The following ZDHHC3 variants were observed in gnomAD, a reference collection of about 807,000 sequenced individuals.
The protein encoded by ZDHHC3 is palmitoyltransferase ZDHHC3.
Under a neutral mutation model 30.6 loss-of-function variants are expected in ZDHHC3, and 9 were observed. The ratio of observed to expected loss-of-function variants is 0.29; its 90% CI spans 0.18 to 0.51. ZDHHC3 has a LOEUF of 0.51. Ranked by LOEUF, ZDHHC3 falls within the 20% of genes least tolerant of loss-of-function variation. The pLI is 0.97. For synonymous variants in ZDHHC3, 136 were observed against 140.2 expected, an observed-to-expected ratio of 0.97 and a Z score of 0.21; for missense variants, 246 against 384.2, an observed-to-expected ratio of 0.64 and a Z score of 3.01.
rs1027789621 is a variant in ZDHHC3 at position 44,919,726 on chromosome 3, G to C, written c.*6963C>G. On this transcript the variant is annotated 3_prime_UTR_variant, in exon 7 of 7. Coordinates refer to ENST00000424952, the MANE Select transcript of ZDHHC3 (RefSeq NM_001135179.2). ...GGGTATGGTGTTGCCAATGTCCAGGGTTTTATATTTGTATTATGGTTGTAT... is the reference window on the plus strand; with the variant it reads ...GGGTATGGTGTTGCCAATGTCCAGGCTTTTATATTTGTATTATGGTTGTAT... 6.5e-6 allele frequency: 2 copies of C among 308,960 alleles called. No homozygotes were observed. The highest frequency in any genetic ancestry group is 2.3e-5 in the African/African-American group (1 of 44,230). 19.1% of individuals were successfully genotyped at this position (308,960 alleles called of 1,614,324 possible). A position where few individuals can be genotyped will look rare whatever the true frequency, so the allele number is the denominator to read the frequency against.
Position 44,929,384 on chromosome 3 carries a change from G to C in ZDHHC3, c.663C>G (p.Cys221Trp), listed in dbSNP as rs530086347. 6.2e-7 allele frequency: 1 copy of C among 1,614,156 alleles called. No homozygotes were observed. Among genetic ancestry groups the C allele is most frequent in the South Asian group, 1.1e-5 (1 of 91,080 alleles). ...AAATGAGGAAGAGCAGGCCCTCAAA[G>C]CACAGCAGGATAAGGAGAATCACTG... The part of the protein sequence containing the change: ...PTTVILLILL[C>W]FEGLLFLIFT... The change falls in exon 6 of 7, where the codon TGC (cysteine) becomes TGG (tryptophan). Residue 221 changes from cysteine to tryptophan, a missense_variant. Cys to Trp is a radical substitution (Grantham distance 215, BLOSUM62 -2). Coordinates refer to ENST00000424952, the MANE Select transcript of ZDHHC3 (RefSeq NM_001135179.2).
chr3:44,926,315 G>C lies in ZDHHC3; in HGVS notation c.*374C>G, dbSNP rs1244000623. 1.0e-6 allele frequency: 1 copy of C among 993,566 alleles called. No individual in the cohort carries two copies. The highest frequency in any genetic ancestry group is 1.1e-4 in the East Asian group (1 of 9,302). 61.5% of individuals were successfully genotyped at this position (993,566 alleles called of 1,614,324 possible). A position where few individuals can be genotyped will look rare whatever the true frequency, so the allele number is the denominator to read the frequency against. ...TGGCTTTCCCATGCATCCCCCACCA[G>C]GTGTCCAGACTATTCCATCCACGCA... On this transcript the variant is annotated 3_prime_UTR_variant, in exon 7 of 7. Transcript: ENST00000424952.
intron 1 of ZDHHC3, among the ~76,000 whole-genome samples, chr3:44,971,828 A>G (rs1053888078): frequency 2.0e-5 from 3 of 152,194 alleles, no homozygotes; most frequent in Non-Finnish European, 4.4e-5. Flanking sequence ...AGACAGATGA[A>G]GACCTGCTGG....
At position 44,916,827 on chromosome 3, in the gene ZDHHC3, GGTGTGTGTGT is replaced by G. The variant is rs143002646; in HGVS notation, c.*9852_*9861del. On this transcript the variant is annotated 3_prime_UTR_variant, in exon 7 of 7. Transcript: ENST00000424952. ...ATAGAGGGCAGACTCATCCTGGTGGGGTGTGTGTGTGTGTGTGTGTGTTTGTCTATCTTCC... is the reference window on the plus strand; with the variant it reads ...ATAGAGGGCAGACTCATCCTGGTGGGGTGTGTGTGTGTTTGTCTATCTTCC... The G allele has an allele frequency of 1.9e-4, 28 of 149,928 alleles. No homozygotes were observed. The highest frequency in any genetic ancestry group is 1.1e-3 in the South Asian group (5 of 4,724). 9.3% of individuals were successfully genotyped at this position (149,928 alleles called of 1,614,324 possible).
chr3:44,946,453 G>C (rs746263617), intron 2 of ZDHHC3, among the ~76,000 whole-genome samples: 1 of 152,166 alleles, frequency 6.6e-6, no homozygotes, highest in Non-Finnish European at 1.5e-5. Flanking sequence ...GTGCTCTCAT[G>C]CTCACTGCTA....
Position 44,918,534 on chromosome 3 carries a change from G to A in ZDHHC3, c.*8155C>T. 6 of 985,436 alleles carry A rather than the reference G, an allele frequency of 6.1e-6. No individual in the cohort carries two copies. Among genetic ancestry groups the A allele is most frequent in the Non-Finnish European group, 7.2e-6 (6 of 829,934 alleles). 61.0% of individuals were successfully genotyped at this position (985,436 alleles called of 1,614,324 possible). A position where few individuals can be genotyped will look rare whatever the true frequency, so the allele number is the denominator to read the frequency against. On this transcript the variant is annotated 3_prime_UTR_variant, in exon 7 of 7. Transcript: ENST00000424952. ...TCCTCTGAGGCCACTACAAACTGGT[G>A]ATCCCCTCCTAAATATTTTTGGCCA...
At position 44,929,319 on chromosome 3, in the gene ZDHHC3, C is replaced by G; in HGVS notation, c.728G>C (p.Cys243Ser). Residue 243 changes from cysteine to serine, a missense_variant, in exon 6 of 7, where the codon TGC (cysteine) becomes TCC (serine). Transcript: ENST00000424952. The part of the protein sequence containing the change: ...VMFGTQVHSI[C>S]TDETGIEQLK... ...CCACCTGCTTACCGTCTCATCTGTG[C>G]AGATGGAGTGCACCTGGGTCCCAAA... The G allele has an allele frequency of 6.2e-7, 1 of 1,614,000 alleles. No individual in the cohort carries two copies. Among genetic ancestry groups the G allele is most frequent in the Non-Finnish European group, 8.5e-7 (1 of 1,179,944 alleles).
intron 2 of ZDHHC3, among the ~76,000 whole-genome samples, chr3:44,946,886 G>A (rs1702990002): frequency 1.3e-5 from 2 of 152,170 alleles, no homozygotes; most frequent in South Asian, 4.1e-4. Flanking sequence ...TTTCTTTATA[G>A]GTAGCCTAGA....
Position 44,921,265 on chromosome 3 carries a change from C to T in ZDHHC3, c.*5424G>A, listed in dbSNP as rs1700570983. 2 of 985,230 alleles carry T rather than the reference C, an allele frequency of 2.0e-6. No homozygotes were observed. Among genetic ancestry groups the T allele is most frequent in the African/African-American group, 1.7e-5 (1 of 57,198 alleles). 61.0% of individuals were successfully genotyped at this position (985,230 alleles called of 1,614,324 possible). On this transcript the variant is annotated 3_prime_UTR_variant, in exon 7 of 7. Coordinates refer to ENST00000424952, the MANE Select transcript of ZDHHC3 (RefSeq NM_001135179.2). ...TCTGTGCAGAACAGACTCAGCTGAG[C>T]CCCACAGAACGAGAACAGGCTGTTC... is the stretch of plus-strand genomic sequence containing the variant.
At chr3:44,946,159 T>C (rs965723541) in intron 2 of ZDHHC3, among the ~76,000 whole-genome samples, 1 of 152,256 alleles carries the variant, frequency 6.6e-6, no homozygotes, top group Admixed American at 6.5e-5. Flanking sequence ...TGAATAATTG[T>C]AATCTATATT....
chr3:44,944,135 C>A (rs1702690923), intron 3 of ZDHHC3, among the ~76,000 whole-genome samples: 1 of 152,042 alleles, frequency 6.6e-6, no homozygotes, highest in Non-Finnish European at 1.5e-5. Context: ...TGCCACCACA[C>A]CCAGCTAATT....
At chr3:44,928,393 C>A (rs1406791029) in intron 6 of ZDHHC3, among the ~76,000 whole-genome samples, 1 of 152,022 alleles carries the variant, frequency 6.6e-6, no homozygotes, top group African/African-American at 2.4e-5. Context: ...TCCTATGAGC[C>A]CGCTTCTAAT....
chr3:44,971,515 G>A (rs999653425), intron 1 of ZDHHC3, among the ~76,000 whole-genome samples: 2 of 152,214 alleles, frequency 1.3e-5, no homozygotes, highest in African/African-American at 2.4e-5. Flanking sequence ...AGCATGGCAT[G>A]AGCCTCATTT....
Position 44,919,026 on chromosome 3 carries a change from A to G in ZDHHC3, c.*7663T>C, listed in dbSNP as rs1343394750. The G allele has an allele frequency of 5.1e-6, 5 of 985,380 alleles. No homozygotes were observed. The highest frequency in any genetic ancestry group is 6.0e-6 in the Non-Finnish European group (5 of 829,952). The allele number at this position is 985,380 out of a possible 1,614,324, so 61.0% of individuals were successfully genotyped here. A position where few individuals can be genotyped will look rare whatever the true frequency, so the allele number is the denominator to read the frequency against. On this transcript the variant is annotated 3_prime_UTR_variant, in exon 7 of 7. Transcript: ENST00000424952. Reference sequence around the variant, plus strand: ...GGGCACTGCTCCTTCACATGACTCAAGAAAGATCTCTGTGTATCTAGCACT... The same window carrying G: ...GGGCACTGCTCCTTCACATGACTCAGGAAAGATCTCTGTGTATCTAGCACT...
rs889088177 is a variant in ZDHHC3, at chr3:44,919,631, G to A, written c.*7058C>T. Among the ~76,000 whole-genome samples, 1 of 152,210 alleles carries A rather than the reference G, an allele frequency of 6.6e-6. No homozygotes were observed. Among genetic ancestry groups the A allele is most frequent in the East Asian group, 1.9e-4 (1 of 5,206 alleles). On this transcript the variant is annotated 3_prime_UTR_variant, in exon 7 of 7. Coordinates refer to ENST00000424952, the MANE Select transcript of ZDHHC3 (RefSeq NM_001135179.2). ...AGACATCGCAAATGATGCAGTGTGG[G>A]ATCCTGGAACAGAAAAGGGTGTTAA...
chr3:44,958,677 T>A (rs1279794616), intron 2 of ZDHHC3: 3 of 1,536,002 alleles, frequency 2.0e-6, no homozygotes, highest in Non-Finnish European at 2.6e-6. Flanking sequence ...GCCATTTCCG[T>A]GCAGGTTCCT....
Position 44,933,216 on chromosome 3 carries a change from G to A in ZDHHC3, c.529-17C>T. On this transcript the variant is annotated splice_polypyrimidine_tract_variant and intron_variant, in intron 4 of 6. Transcript: ENST00000424952. Reference sequence around the variant, plus strand: ...TATGTACATCTGAAACAGGAAACCAGTGCAGACACCATTGTTGTGAGAATC... The same window carrying A: ...TATGTACATCTGAAACAGGAAACCAATGCAGACACCATTGTTGTGAGAATC... 1 of 1,611,630 alleles carries A rather than the reference G, an allele frequency of 6.2e-7. No individual in the cohort carries two copies. Among genetic ancestry groups the A allele is most frequent in the African/African-American group, 1.3e-5 (1 of 75,002 alleles).
intron 1 of ZDHHC3, among the ~76,000 whole-genome samples, chr3:44,965,974 T>C (rs772717057): frequency 6.6e-6 from 1 of 152,214 alleles, no homozygotes; most frequent in Non-Finnish European, 1.5e-5. Context: ...ACAGCACACA[T>C]CTTGAGACGG....
intron 1 of ZDHHC3, among the ~76,000 whole-genome samples, chr3:44,973,058 C>A (rs1429871228): frequency 6.6e-6 from 1 of 152,188 alleles, no homozygotes; most frequent in East Asian, 1.9e-4. Context: ...GCAACAGACA[C>A]AGCAACATCC....
Sources: gnomAD v4.1 joint callset for allele counts (sites outside exome capture counted in the v4.1 genomes callset) on GRCh38, gnomAD v4.1.1 for gene constraint, MANE v1.5 for transcripts, NCBI Gene and HGNC (gene_info 2026-07-23, HGNC 2026-07-21) for gene names.